The following FMN1 variants were observed in gnomAD, a reference collection of about 807,000 sequenced individuals.
The protein encoded by FMN1 is formin 1.
In FMN1, 110 loss-of-function variants were observed where a neutral mutation model predicts 132.4. That is an observed-to-expected ratio of 0.83 (90% CI 0.71 to 0.97). FMN1 has a LOEUF of 0.97. Among genes scored for constraint, FMN1 ranks in the 50% least tolerant of loss-of-function variants. FMN1 has a pLI of 0.00. For missense variants in FMN1, 1,792 were observed against 1,705.3 expected (o/e 1.05, Z -0.90); for synonymous variants, 722 against 651.7 (o/e 1.11, Z -1.64).
chr15:32,858,970 C>T (rs56136064), intron 16 of FMN1, among the ~76,000 whole-genome samples: 3,508 of 152,118 alleles, frequency 0.023, 57 homozygotes, highest in Non-Finnish European at 0.036. Context: ...GTCCAAGGAG[C>T]GAGAGAGTAG....
rs143063377 is a variant in FMN1, at chr15:32,909,830, T to C, written c.3288+644A>G. ...AAACCTTATATGTGTACAGTCCTGT[T>C]GACTTTCAAAATACATTGCTACTGC... On this transcript the variant is annotated intron_variant, in intron 11 of 20. Transcript: ENST00000616417. Among the ~76,000 whole-genome samples, 368 of 152,260 alleles carry C rather than the reference T, an allele frequency of 2.4e-3. 5 individuals are homozygous for C. Among genetic ancestry groups the C allele is most frequent in the Non-Finnish European group, 1.4e-3 (98 of 68,000 alleles).
At chr15:33,000,284 C>G (rs915983180) in intron 7 of FMN1, among the ~76,000 whole-genome samples, 3 of 151,950 alleles carry the variant, frequency 2.0e-5, no homozygotes, top group Non-Finnish European at 4.4e-5. Context: ...CCCGTCTCTA[C>G]TAAACATACA....
At chr15:32,856,548 C>A (rs2059135517) in intron 17 of FMN1, among the ~76,000 whole-genome samples, 1 of 152,118 alleles carries the variant, frequency 6.6e-6, no homozygotes, top group Non-Finnish European at 1.5e-5. Context: ...TTCACTTGGC[C>A]CTAATTTTCC....
chr15:33,095,918 T>C (rs1410151437), intron 4 of FMN1, among the ~76,000 whole-genome samples: 2 of 151,568 alleles, frequency 1.3e-5, no homozygotes, highest in Non-Finnish European at 1.5e-5. Flanking sequence ...ATATAATAAA[T>C]GATTTTTTTA....
chr15:33,128,774 A>C (rs914461824), intron 4 of FMN1, among the ~76,000 whole-genome samples: 1 of 152,222 alleles, frequency 6.6e-6, no homozygotes, highest in Non-Finnish European at 1.5e-5. Context: ...AGTGGTATGG[A>C]CCCAAACGGT....
chr15:33,018,441 A>G (rs2035202155), intron 6 of FMN1, among the ~76,000 whole-genome samples: 1 of 152,082 alleles, frequency 6.6e-6, no homozygotes, highest in Non-Finnish European at 1.5e-5. Context: ...TCGCTCACCA[A>G]TGGCCAATGA....
At chr15:32,999,355 C>A (rs1462241815) in intron 7 of FMN1, among the ~76,000 whole-genome samples, 3 of 152,170 alleles carry the variant, frequency 2.0e-5, no homozygotes, top group Non-Finnish European at 4.4e-5. Flanking sequence ...AGTCTGCACT[C>A]AATTCTGTTT....
At chr15:33,128,344 A>T (rs1963320001) in intron 4 of FMN1, among the ~76,000 whole-genome samples, 1 of 152,142 alleles carries the variant, frequency 6.6e-6, no homozygotes, top group South Asian at 2.1e-4. Context: ...TCCGGGCCTG[A>T]TCCTTGACGA....
At chr15:33,124,904 G>T (rs16965303) in intron 4 of FMN1, among the ~76,000 whole-genome samples, 5 of 151,456 alleles carry the variant, frequency 3.3e-5, no homozygotes, top group African/African-American at 1.2e-4. Context: ...TTGGCACAAG[G>T]GCAAATGTTA....
intron 4 of FMN1, among the ~76,000 whole-genome samples, chr15:33,144,522 AG>A (rs1274851861): frequency 4.3e-4 from 65 of 151,576 alleles, no homozygotes; most frequent in African/African-American, 6.0e-4. Flanking sequence ...CTGTAGTCCC[AG>A]GCTACTCGGG....
At chr15:32,983,206 C>G (rs1336393253) in intron 7 of FMN1, among the ~76,000 whole-genome samples, 3 of 152,036 alleles carry the variant, frequency 2.0e-5, no homozygotes, top group African/African-American at 7.2e-5. Context: ...CAGGTAGATG[C>G]CAACAATATG....
In FMN1 at chr15:32,770,042, T is replaced by C. The variant is rs1215912665; in HGVS notation, c.*4268A>G. ...AGATATTTAATATTTGGATCAGATA[T>C]GTGGGAGGGGGGAAGGCTATATATT... On this transcript the variant is annotated 3_prime_UTR_variant, in exon 21 of 21. Coordinates refer to ENST00000616417, the MANE Select transcript of FMN1 (RefSeq NM_001277313.2). 2 of 152,218 alleles carry C rather than the reference T, an allele frequency of 1.3e-5. No individual in the cohort carries two copies. Among genetic ancestry groups the C allele is most frequent in the Admixed American group, 1.3e-4 (2 of 15,282 alleles). The allele number at this position is 152,218 out of a possible 1,614,324, so 9.4% of individuals were successfully genotyped here. A position where few individuals can be genotyped will look rare whatever the true frequency, so the allele number is the denominator to read the frequency against.
At chr15:33,048,053 C>T (rs1014883687) in intron 6 of FMN1, among the ~76,000 whole-genome samples, 1 of 152,006 alleles carries the variant, frequency 6.6e-6, no homozygotes, top group Admixed American at 6.6e-5. Context: ...AACTGTAATG[C>T]CTTTTAGTTC....
rs1415438904 is a variant in FMN1 at position 32,969,227 on chromosome 15, C to G, written c.2474G>C (p.Ser825Thr). 7 of 1,613,898 alleles carry G rather than the reference C, an allele frequency of 4.3e-6. No individual in the cohort carries two copies. ...PCESESKTTRSNQLVPKKLNI... is the reference protein window; with the variant it reads ...PCESESKTTRTNQLVPKKLNI... ...CAGCTTTTTGGGTACTAATTGATTA[C>G]TTCTGGTTGTCTTGCTTTCACTTTC... Residue 825 changes from serine to threonine, a missense_variant, in exon 8 of 21, where the codon AGT becomes ACT. Physicochemically the swap from Ser to Thr is moderately conservative, Grantham distance 58. Coordinates refer to ENST00000616417, the MANE Select transcript of FMN1 (RefSeq NM_001277313.2).
chr15:33,186,238 G>A (rs908332431), intron 2 of FMN1, among the ~76,000 whole-genome samples: 7 of 151,344 alleles, frequency 4.6e-5, no homozygotes, highest in African/African-American at 1.7e-4. Context: ...ATTTTCATTG[G>A]TGCTTTTTTC....
chr15:33,096,957 T>G (rs994238112), intron 4 of FMN1, among the ~76,000 whole-genome samples: 1 of 152,084 alleles, frequency 6.6e-6, no homozygotes. Flanking sequence ...CATAGGTCAC[T>G]GGGGCTCTGG....
Position 32,969,046 on chromosome 15 carries a change from A to C in FMN1, c.2655T>G (p.Leu885=). 6.6e-7 allele frequency: 1 copy of C among 1,509,718 alleles called. No homozygotes were observed. The highest frequency in any genetic ancestry group is 9.0e-7 in the Non-Finnish European group (1 of 1,114,146). 93.5% of individuals were successfully genotyped at this position (1,509,718 alleles called of 1,614,324 possible). Reference sequence around the variant, plus strand: ...TTGGAGGTGCGGGAGACAAAGATCCAAGTCCTGAGGGGAGGGGCGGAGGGG... The same window carrying C: ...TTGGAGGTGCGGGAGACAAAGATCCCAGTCCTGAGGGGAGGGGCGGAGGGG... ...IPPPPPLPSG[L]GSLSPAPPMP... Residue 885 remains leucine (L), a synonymous_variant, in exon 8 of 21, where the codon CTT becomes CTG. Coordinates refer to ENST00000616417, the MANE Select transcript of FMN1 (RefSeq NM_001277313.2).
At chr15:32,980,485 A>T (rs2928019) in intron 7 of FMN1, among the ~76,000 whole-genome samples, 123,114 of 152,150 alleles carry the variant, frequency 0.81, 49,986 homozygotes, top group East Asian at 0.97. Context: ...TTCACACTAT[A>T]TTAAAAGAAC....
intron 5 of FMN1, among the ~76,000 whole-genome samples, chr15:33,072,087 C>G (rs565187970): frequency 6.6e-6 from 1 of 151,890 alleles, no homozygotes; most frequent in Non-Finnish European, 1.5e-5. Context: ...AACAAACAAA[C>G]AAAAAAACAA....
Sources: gnomAD v4.1 joint callset for allele counts (sites outside exome capture counted in the v4.1 genomes callset) on GRCh38, gnomAD v4.1.1 for gene constraint, MANE v1.5 for transcripts, NCBI Gene and HGNC (gene_info 2026-07-23, HGNC 2026-07-21) for gene names.